The following THSD4 variants were observed in gnomAD, a reference collection of about 807,000 sequenced individuals.
THSD4 encodes thrombospondin type 1 domain containing 4, also known as thrombospondin type-1 domain-containing protein 4.
In THSD4, 69 loss-of-function variants were observed where a neutral mutation model predicts 119.0. The ratio of observed to expected loss-of-function variants is 0.58; its 90% CI spans 0.48 to 0.71. THSD4 has a LOEUF of 0.71. THSD4 is among the 30% of genes least tolerant of loss of function. The pLI is 0.00. For synonymous variants in THSD4, 524 were observed against 540.4 expected, an observed-to-expected ratio of 0.97 and a Z score of 0.42; for missense variants, 1,393 against 1,391.1, an observed-to-expected ratio of 1.00 and a Z score of -0.02.
At chr15:71,112,069 A>C (rs190269080), upstream of THSD4, 1,538 of 1,604,440 alleles carry the variant, frequency 9.6e-4, 10 homozygotes, top group African/African-American at 0.012. Context: ...CTCTTATTCC[A>C]GTTCCACATG....
intron 4 of THSD4, 66 bp downstream of exon 4, chr15:71,215,465 C>G: frequency 7.1e-7 from 1 of 1,414,200 alleles, no homozygotes; most frequent in South Asian, 1.4e-5. Context: ...TGTCCCTGCC[C>G]CTGCCTCGCA....
chr15:71,512,019 A>C (rs551895034), intron 7 of THSD4, among the ~76,000 whole-genome samples: 1 of 152,164 alleles, frequency 6.6e-6, no homozygotes, highest in Non-Finnish European at 1.5e-5. Context: ...GTAATGACCT[A>C]TTATTTTGGC....
chr15:71,302,247 A>G (rs1412732686), intron 6 of THSD4, among the ~76,000 whole-genome samples: 1 of 152,144 alleles, frequency 6.6e-6, no homozygotes, highest in Admixed American at 6.5e-5. Flanking sequence ...TGGAGAGCAC[A>G]CCAGAGGTGG....
intron 1 of THSD4, among the ~76,000 whole-genome samples, chr15:71,140,835 C>T (rs1335940133): frequency 3.3e-5 from 5 of 152,188 alleles, no homozygotes; most frequent in African/African-American, 1.2e-4. Flanking sequence ...CAGGAAGAAA[C>T]ACTGTACCCT....
At chr15:71,690,866 C>G (rs1460455041) in intron 8 of THSD4, among the ~76,000 whole-genome samples, 1 of 152,216 alleles carries the variant, frequency 6.6e-6, no homozygotes, top group Non-Finnish European at 1.5e-5. Context: ...CCCACAAGGT[C>G]CCTTCCACAA....
chr15:71,286,820 T>C (rs1349990670), intron 6 of THSD4, among the ~76,000 whole-genome samples: 2 of 152,182 alleles, frequency 1.3e-5, no homozygotes, highest in Non-Finnish European at 2.9e-5. Flanking sequence ...ATCTGTTATT[T>C]TTTGTCACTT....
chr15:71,325,726 A>G (rs898262479), intron 6 of THSD4, among the ~76,000 whole-genome samples: 1 of 152,188 alleles, frequency 6.6e-6, no homozygotes, highest in African/African-American at 2.4e-5. Flanking sequence ...AGCTATTGAA[A>G]TGCCAAGCCC....
chr15:71,238,296 A>G (rs1296729356), intron 4 of THSD4, among the ~76,000 whole-genome samples: 1 of 150,136 alleles, frequency 6.7e-6, no homozygotes, highest in Non-Finnish European at 1.5e-5. Flanking sequence ...ATGCTTTCTT[A>G]AAAAAAACTT....
intron 7 of THSD4, among the ~76,000 whole-genome samples, chr15:71,426,123 C>T (rs748247334): frequency 2.0e-5 from 3 of 152,216 alleles, no homozygotes; most frequent in Non-Finnish European, 4.4e-5. Flanking sequence ...AGTCATCGCC[C>T]CACTGTAGGG....
chr15:71,531,580 A>G (rs893418636), intron 7 of THSD4, among the ~76,000 whole-genome samples: 1 of 152,242 alleles, frequency 6.6e-6, no homozygotes, highest in South Asian at 2.1e-4. Context: ...CAGACTTGTC[A>G]TGTGATCATG....
At chr15:71,739,098 GAAAAAAAAAAAAAAAAC>G (rs2053185200) in intron 11 of THSD4, among the ~76,000 whole-genome samples, 1 of 106,548 alleles carries the variant, frequency 9.4e-6, no homozygotes, top group Middle Eastern at 5.6e-3. Context: ...CAGGATTTCA[GAAAAAAAAAAAAAAAAC>G]AAAACTTTGC....
rs963762643 is a variant in THSD4, at chr15:71,777,518, T to G, written c.*144T>G. The stretch of plus-strand genomic sequence containing the variant: ...AGTCACCACCCCTGCCTCCGGTGAA[T>G]GCACCCCGTGGTACCCAGGGGCTTT... On this transcript the variant is annotated 3_prime_UTR_variant, in exon 18 of 18. Transcript: ENST00000261862. 8.6e-7 allele frequency: 1 copy of G among 1,160,992 alleles called. No individual in the cohort carries two copies. Among genetic ancestry groups the G allele is most frequent in the Non-Finnish European group, 1.2e-6 (1 of 841,456 alleles). The allele number at this position is 1,160,992 out of a possible 1,614,324, so 71.9% of individuals were successfully genotyped here.
At chr15:71,240,830 C>CAG (rs1461166962) in intron 4 of THSD4, among the ~76,000 whole-genome samples, 2 of 149,078 alleles carry the variant, frequency 1.3e-5, no homozygotes, top group Admixed American at 1.3e-4. Context: ...CACACACACA[C>CAG]ACACACACAT....
At chr15:71,267,182 T>G (rs1157416668) in intron 6 of THSD4, among the ~76,000 whole-genome samples, 1 of 151,892 alleles carries the variant, frequency 6.6e-6, no homozygotes, top group African/African-American at 2.4e-5. Flanking sequence ...AACGTTGAAA[T>G]GAAGGAAAAA....
At chr15:71,201,928 CT>C (rs977757455) in intron 3 of THSD4, among the ~76,000 whole-genome samples, 1 of 152,192 alleles carries the variant, frequency 6.6e-6, no homozygotes, top group Non-Finnish European at 1.5e-5. Flanking sequence ...GGAATCTGGC[CT>C]GGGAAACTTC....
In THSD4 at chr15:71,432,101, G is replaced by A. The variant is rs370724189; in HGVS notation, c.1152+20278G>A. On this transcript the variant is annotated intron_variant, in intron 7 of 17. Coordinates refer to ENST00000261862, the MANE Select transcript of THSD4 (RefSeq NM_024817.3). ...AAGACATATCAGATTTCTAGGACTC[G>A]CGTACTATTTTGGAACACATATTAC... Among the ~76,000 whole-genome samples, 29 of 151,524 alleles carry A rather than the reference G, an allele frequency of 1.9e-4. 1 individual carries two copies. The highest frequency in any genetic ancestry group is 7.0e-4 in the African/African-American group (29 of 41,292).
chr15:71,402,071 G>A (rs2046542261), intron 6 of THSD4, among the ~76,000 whole-genome samples: 1 of 151,014 alleles, frequency 6.6e-6, no homozygotes, highest in African/African-American at 2.4e-5. Context: ...ATGGACACAG[G>A]GAGGGGAACA....
At chr15:71,668,832 G>C (rs2051466361) in intron 8 of THSD4, among the ~76,000 whole-genome samples, 1 of 152,152 alleles carries the variant, frequency 6.6e-6, no homozygotes, top group African/African-American at 2.4e-5. Context: ...AGGATCACTA[G>C]ACATTTTCTT....
At chr15:71,602,494 A>G (rs1567057476) in intron 7 of THSD4, among the ~76,000 whole-genome samples, 1 of 132,820 alleles carries the variant, frequency 7.5e-6, no homozygotes, top group African/African-American at 2.7e-5. Context: ...CAGAGGTTGC[A>G]GTGAGCCAAG....
Sources: gnomAD v4.1 joint callset for allele counts (sites outside exome capture counted in the v4.1 genomes callset) on GRCh38, gnomAD v4.1.1 for gene constraint, MANE v1.5 for transcripts, NCBI Gene and HGNC (gene_info 2026-07-23, HGNC 2026-07-21) for gene names.